MYT1L: variants seen among roughly 807,000 people sequenced by gnomAD.
The protein encoded by MYT1L is myelin transcription factor 1-like protein.
In MYT1L, 12 loss-of-function variants were observed where a neutral mutation model predicts 126.7. The ratio of observed to expected loss-of-function variants is 0.09; its 90% CI spans 0.06 to 0.15. MYT1L has a LOEUF of 0.15. MYT1L is among the 10% of genes least tolerant of loss of function. The pLI, the probability that MYT1L is intolerant of heterozygous loss-of-function variation, is 1.00. For missense variants in MYT1L, 979 were observed against 1,585.2 expected (o/e 0.62, Z 6.49); for synonymous variants, 541 against 604.2 (o/e 0.90, Z 1.53).
intron 3 of MYT1L, among the ~76,000 whole-genome samples, chr2:2,087,103 A>G (rs2076432753): frequency 6.6e-6 from 1 of 151,292 alleles, no homozygotes; most frequent in Non-Finnish European, 1.5e-5. Flanking sequence ...TCCACACGTA[A>G]CTCCCCGTGA....
rs898568379 is a variant in MYT1L, at chr2:2,131,210, G to A, written c.-304+41662C>T. On this transcript the variant is annotated intron_variant, in intron 3 of 24. Coordinates refer to ENST00000647738, the MANE Select transcript of MYT1L (RefSeq NM_001303052.2). ...ACACAGAGCTCACCTCGTGCAGCTC[G>A]GAGGAAAAGACAGGAAGGGGTCAAT... Among the ~76,000 whole-genome samples, 7 of 152,162 alleles carry A rather than the reference G, an allele frequency of 4.6e-5. No individual in the cohort carries two copies. In the East Asian group the frequency reaches 5.8e-4, roughly 13 times the overall value.
chr2:2,072,177 C>G (rs2074679691), intron 3 of MYT1L, among the ~76,000 whole-genome samples: 1 of 152,138 alleles, frequency 6.6e-6, no homozygotes, highest in Admixed American at 6.5e-5. Flanking sequence ...GAGCCCTTGT[C>G]TATATGTCTT....
chr2:2,029,177 T>C (rs895156984), intron 4 of MYT1L, among the ~76,000 whole-genome samples: 9 of 152,174 alleles, frequency 5.9e-5, no homozygotes, highest in Admixed American at 3.9e-4. Context: ...AAGGCAAATA[T>C]TTGGGCTAAA....
chr2:1,897,145 A>T (rs2049701284), intron 14 of MYT1L, among the ~76,000 whole-genome samples: 1 of 152,252 alleles, frequency 6.6e-6, no homozygotes, highest in Non-Finnish European at 1.5e-5. Context: ...GTCATTTAAA[A>T]GTTTTAATTA....
intron 8 of MYT1L, among the ~76,000 whole-genome samples, chr2:1,951,889 A>C (rs1472260173): frequency 1.3e-5 from 2 of 152,246 alleles, no homozygotes; most frequent in African/African-American, 4.8e-5. Flanking sequence ...AATACATAAA[A>C]GCACTTAAAA....
chr2:1,945,477 A>G (rs963647426), intron 8 of MYT1L, among the ~76,000 whole-genome samples: 22 of 152,210 alleles, frequency 1.4e-4, no homozygotes, highest in African/African-American at 5.3e-4. Context: ...CCTGGGTGAG[A>G]AGGTGCTGGG....
At chr2:1,802,047 C>T (rs950845824) in intron 22 of MYT1L, 10 of 373,480 alleles carry the variant, frequency 2.7e-5, no homozygotes, top group African/African-American at 1.7e-4. Context: ...CTCCCAGGCA[C>T]TTTGAGGGTC....
In MYT1L at chr2:1,792,580, A is replaced by G. The variant is rs554461672; in HGVS notation, c.3277-116T>C. 2.9e-4 allele frequency: 338 copies of G among 1,175,750 alleles called. 2 individuals are homozygous for G. In the African/African-American group the frequency reaches 4.7e-3, roughly 16 times the overall value. The allele number at this position is 1,175,750 out of a possible 1,614,324, so 72.8% of individuals were successfully genotyped here. A position where few individuals can be genotyped will look rare whatever the true frequency, so the allele number is the denominator to read the frequency against. On this transcript the variant is annotated intron_variant, in intron 23 of 24. Coordinates refer to ENST00000647738, the MANE Select transcript of MYT1L (RefSeq NM_001303052.2). ...GAAGGGGCCTCTCGCTGAAGGAGAA[A>G]GGCTTCGGGCCGGGCGCCGTGGCTC...
chr2:2,242,541 T>G (rs2094459195), intron 2 of MYT1L, among the ~76,000 whole-genome samples: 1 of 152,170 alleles, frequency 6.6e-6, no homozygotes, highest in South Asian at 2.1e-4. Flanking sequence ...CAACAAACAT[T>G]GCAAAAATAA....
chr2:2,314,207 T>A (rs1404289820), intron 1 of MYT1L, among the ~76,000 whole-genome samples: 2 of 152,312 alleles, frequency 1.3e-5, no homozygotes, highest in Middle Eastern at 3.4e-3. Flanking sequence ...GGAAACTTTT[T>A]AAAAAGCAAA....
chr2:2,266,125 C>A (rs1404300775), intron 2 of MYT1L, among the ~76,000 whole-genome samples: 1 of 152,184 alleles, frequency 6.6e-6, no homozygotes, highest in Non-Finnish European at 1.5e-5. Flanking sequence ...TCAGTCTTCA[C>A]AATAGCTCTA....
chr2:1,882,557 C>T (rs147037150), intron 18 of MYT1L, among the ~76,000 whole-genome samples: 1,644 of 152,312 alleles, frequency 0.011, 16 homozygotes, highest in Middle Eastern at 0.017. Flanking sequence ...TAAGGAAATA[C>T]GGCCTCCTGG....
At chr2:2,317,368 T>A (rs1166659366) in intron 1 of MYT1L, among the ~76,000 whole-genome samples, 4 of 152,118 alleles carry the variant, frequency 2.6e-5, no homozygotes. Flanking sequence ...GAGATTGCTG[T>A]CCATGTGAAG....
intron 3 of MYT1L, among the ~76,000 whole-genome samples, chr2:2,063,820 G>T (rs2150171667): frequency 1.3e-5 from 2 of 152,146 alleles, no homozygotes; most frequent in East Asian, 3.9e-4. Context: ...CTCCAGCCTG[G>T]GTGACAAGAG....
chr2:2,093,770 C>T (rs1241626649), intron 3 of MYT1L, among the ~76,000 whole-genome samples: 2 of 152,162 alleles, frequency 1.3e-5, no homozygotes, highest in Non-Finnish European at 2.9e-5. Context: ...TTGCCCATGC[C>T]TATGTCCTGA....
chr2:2,212,584 T>C (rs562680474), intron 2 of MYT1L, among the ~76,000 whole-genome samples: 12 of 152,204 alleles, frequency 7.9e-5, no homozygotes, highest in Non-Finnish European at 1.8e-4. Context: ...GGTATTTAAG[T>C]TGTATAGACG....
At position 2,065,823 on chromosome 2, in the gene MYT1L, T is replaced by TACAC. The variant is rs71824780; in HGVS notation, c.-303-11704_-303-11701dup. ...AGGGCATATCAATCTCTCTCTTTTA[T>TACAC]ACACACACACACACACACACACACG... is the stretch of plus-strand genomic sequence containing the variant. On this transcript the variant is annotated intron_variant, in intron 3 of 24. Transcript: ENST00000647738. 9.7e-4 allele frequency among the ~76,000 whole-genome samples: 140 copies of TACAC among 144,930 alleles called. 1 individual carries two copies. Among genetic ancestry groups the TACAC allele is most frequent in the East Asian group, 4.1e-3 (20 of 4,906 alleles).
intron 3 of MYT1L, among the ~76,000 whole-genome samples, chr2:2,105,286 A>G (rs2078614829): frequency 6.6e-6 from 1 of 152,136 alleles, no homozygotes; most frequent in South Asian, 2.1e-4. Context: ...TGCTCGTGGG[A>G]TACTACAGAC....
At position 1,863,113 on chromosome 2, in the gene MYT1L, G is replaced by A. The variant is rs145686904; in HGVS notation, c.2712-11410C>T. ...CCATGGAGATGGTGGTAGCTTTGGG[G>A]CTCAATCCCTGCTCTGAACTCTTGG... is the stretch of plus-strand genomic sequence containing the variant. On this transcript the variant is annotated intron_variant, in intron 18 of 24. Coordinates refer to ENST00000647738, the MANE Select transcript of MYT1L (RefSeq NM_001303052.2). Among the ~76,000 whole-genome samples, 683 of 152,266 alleles carry A rather than the reference G, an allele frequency of 4.5e-3. 5 individuals carry two copies. Among genetic ancestry groups the A allele is most frequent in the African/African-American group, 0.015 (634 of 41,552 alleles).
Sources: allele counts gnomAD v4.1 joint callset (sites outside exome capture counted in the v4.1 genomes callset), GRCh38; gene constraint gnomAD v4.1.1; transcripts MANE v1.5; gene names NCBI Gene and HGNC (gene_info 2026-07-23, HGNC 2026-07-21).